Variants in CDH12 observed in about 807,000 individuals in gnomAD.
The protein encoded by CDH12 is cadherin 12.
CDH12 carries 41 observed loss-of-function variants against 74.1 expected under a neutral mutation model. The ratio of observed to expected loss-of-function variants is 0.55; its 90% confidence interval spans 0.43 to 0.72. The LOEUF (loss-of-function observed/expected upper bound fraction) is 0.72, where lower values mean the gene tolerates loss of function less well. Ranked by LOEUF, CDH12 falls within the 30% of genes least tolerant of loss-of-function variation. The pLI is 0.00. For synonymous variants in CDH12, 399 were observed against 355.0 expected (o/e 1.12, Z -1.39); for missense variants, 945 against 977.2 (o/e 0.97, Z 0.44).
intron 3 of CDH12, among the ~76,000 whole-genome samples, chr5:22,256,002 C>T (rs1753301613): frequency 6.6e-6 from 1 of 152,020 alleles, no homozygotes; most frequent in Non-Finnish European, 1.5e-5. Context: ...CCTCTAAATG[C>T]ATACAGCATC....
chr5:22,110,705 G>A (rs1039828439), intron 4 of CDH12, among the ~76,000 whole-genome samples: 1 of 152,122 alleles, frequency 6.6e-6, no homozygotes, highest in African/African-American at 2.4e-5. Context: ...AGAAGCAATT[G>A]GGGAAGTTGC....
chr5:22,726,498 A>T (rs913806952), intron 1 of CDH12, among the ~76,000 whole-genome samples: 3 of 151,856 alleles, frequency 2.0e-5, no homozygotes, highest in Non-Finnish European at 4.4e-5. Context: ...GCTGGATAGT[A>T]TAGTAAACAT....
chr5:21,810,135 A>T (rs903672345), intron 9 of CDH12, among the ~76,000 whole-genome samples: 6 of 152,120 alleles, frequency 3.9e-5, no homozygotes, highest in African/African-American at 1.2e-4. Flanking sequence ...GTGTGTGCAG[A>T]AGTTAGTAAT....
chr5:22,800,394 AT>A (rs1437392896), intron 1 of CDH12, among the ~76,000 whole-genome samples: 1 of 152,130 alleles, frequency 6.6e-6, no homozygotes, highest in African/African-American at 2.4e-5. Context: ...TATAATAGAT[AT>A]TTTTTAGGGT....
At chr5:22,332,209 T>C (rs1423238906) in intron 3 of CDH12, among the ~76,000 whole-genome samples, 1 of 152,062 alleles carries the variant, frequency 6.6e-6, no homozygotes, top group African/African-American at 2.4e-5. Context: ...CCTCAAGGCA[T>C]TTAATAATCA....
At chr5:22,301,365 G>C (rs987374459) in intron 3 of CDH12, among the ~76,000 whole-genome samples, 1 of 152,166 alleles carries the variant, frequency 6.6e-6, no homozygotes, top group East Asian at 1.9e-4. Context: ...ATAGCTCACA[G>C]AGATGACAAG....
chr5:22,176,772 G>T (rs941292629), intron 4 of CDH12, among the ~76,000 whole-genome samples: 1 of 152,104 alleles, frequency 6.6e-6, no homozygotes. Flanking sequence ...CCACTCTTCT[G>T]CTAGGAGCAT....
intron 6 of CDH12, among the ~76,000 whole-genome samples, chr5:21,952,153 T>C (rs1755891552): frequency 6.6e-6 from 1 of 152,192 alleles, no homozygotes; most frequent in Admixed American, 6.5e-5. Flanking sequence ...CTGTTGCCGT[T>C]AGTTATCATC....
intron 6 of CDH12, among the ~76,000 whole-genome samples, chr5:21,877,068 T>G (rs1372907383): frequency 2.0e-5 from 3 of 152,196 alleles, no homozygotes; most frequent in East Asian, 1.9e-4. Flanking sequence ...TCAGGCATAG[T>G]GGCACTTGCC....
At position 22,243,637 on chromosome 5, in the gene CDH12, C is replaced by T. The variant is rs544911365; in HGVS notation, c.-332-30994G>A. On this transcript the variant is annotated intron_variant, in intron 3 of 14. Transcript: ENST00000382254. ...AATAGCAAATTAGATGCTTTGGAAA[C>T]TATTAATCTCACATTTAACATCAGA... Among the ~76,000 whole-genome samples, 3 of 152,276 alleles carry T rather than the reference C, an allele frequency of 2.0e-5. No homozygotes were observed. In the South Asian group the frequency reaches 6.2e-4, roughly 32 times the overall value.
At chr5:22,312,627 T>C (rs1261941735) in intron 3 of CDH12, among the ~76,000 whole-genome samples, 2 of 152,190 alleles carry the variant, frequency 1.3e-5, no homozygotes, top group African/African-American at 4.8e-5. Flanking sequence ...AGTTAGACAG[T>C]TAAAAAGTTA....
chr5:22,315,172 C>T (rs1312476392), intron 3 of CDH12, among the ~76,000 whole-genome samples: 3 of 127,144 alleles, frequency 2.4e-5, no homozygotes, highest in South Asian at 2.7e-4. Context: ...CCGTGTTAGC[C>T]GGGATGGTCT....
At chr5:22,158,380 C>T (rs1460109743) in intron 4 of CDH12, among the ~76,000 whole-genome samples, 1 of 151,986 alleles carries the variant, frequency 6.6e-6, no homozygotes, top group Non-Finnish European at 1.5e-5. Flanking sequence ...ATTTACTGAG[C>T]ACTTATCACA....
intron 1 of CDH12, among the ~76,000 whole-genome samples, chr5:22,593,953 C>T (rs555802337): frequency 6.6e-6 from 1 of 152,136 alleles, no homozygotes. Flanking sequence ...TCTATATATA[C>T]TTGATTTACT....
At chr5:21,888,336 T>C (rs142583485) in intron 6 of CDH12, among the ~76,000 whole-genome samples, 78 of 152,318 alleles carry the variant, frequency 5.1e-4, no homozygotes, top group African/African-American at 1.8e-3. Context: ...TAGTATTTCA[T>C]ATCAAACACC....
At chr5:21,963,280 TG>T (rs1327550091) in intron 6 of CDH12, among the ~76,000 whole-genome samples, 3 of 152,112 alleles carry the variant, frequency 2.0e-5, no homozygotes, top group Non-Finnish European at 4.4e-5. Context: ...GGAAGTTCCT[TG>T]GCTCTTGTCC....
intron 1 of CDH12, among the ~76,000 whole-genome samples, chr5:22,575,433 C>T (rs182038074): frequency 1.2e-4 from 18 of 151,800 alleles, no homozygotes; most frequent in East Asian, 3.9e-4. Flanking sequence ...TACTCTATCA[C>T]CCAAGCTGGA....
chr5:22,648,500 T>G (rs957317373), intron 1 of CDH12, among the ~76,000 whole-genome samples: 3 of 151,924 alleles, frequency 2.0e-5, no homozygotes, highest in Non-Finnish European at 4.4e-5. Context: ...TGTATTGGGC[T>G]TAGGAAAATA....
intron 3 of CDH12, among the ~76,000 whole-genome samples, chr5:22,282,869 C>G (rs1736950002): frequency 6.6e-6 from 1 of 152,044 alleles, no homozygotes; most frequent in African/African-American, 2.4e-5. Context: ...TGCCACTTGA[C>G]CCAGCAATCC....
Sources: allele counts gnomAD v4.1 joint callset (sites outside exome capture counted in the v4.1 genomes callset), GRCh38; gene constraint gnomAD v4.1.1; transcripts MANE v1.5; gene names NCBI Gene and HGNC (gene_info 2026-07-23, HGNC 2026-07-21).